STAG1: variants seen among roughly 807,000 people sequenced by gnomAD.
STAG1 encodes the protein STAG1 cohesin complex component.
In STAG1, 26 loss-of-function variants were observed where a neutral mutation model predicts 170.9. That is an observed-to-expected ratio of 0.15 (90% CI 0.11 to 0.21). The LOEUF is 0.21. STAG1 is among the 10% of genes least tolerant of loss of function. The pLI is 1.00. For synonymous variants in STAG1, 514 were observed against 497.7 expected (o/e 1.03, Z -0.44); for missense variants, 964 against 1,509.5 (o/e 0.64, Z 5.99).
chr3:136,539,567 A>G (rs1279463561), intron 6 of STAG1, among the ~76,000 whole-genome samples: 3 of 152,264 alleles, frequency 2.0e-5, no homozygotes, highest in African/African-American at 4.8e-5. Context: ...CCTTGGAAAC[A>G]TAACAAAGAC....
Position 136,749,909 on chromosome 3 carries a change from T to TA in STAG1, c.-84+2285dup, listed in dbSNP as rs111943900. ...GTTAAGTGTGAAATTTGTTATGCAT[T>TA]AAAAAAAAAAAGAAAGAAACTAATA... On this transcript the variant is annotated intron_variant, in intron 1 of 33. Transcript: ENST00000383202. Among the ~76,000 whole-genome samples the TA allele has an allele frequency of 8.3e-4, 116 of 139,566 alleles. 1 individual carries two copies. The highest frequency in any genetic ancestry group is 6.3e-3 in the South Asian group (27 of 4,262). The allele number at this position is 139,566 out of a possible 152,430, so 91.6% of individuals were successfully genotyped here. A position where few individuals can be genotyped will look rare whatever the true frequency, so the allele number is the denominator to read the frequency against.
rs547402082 is a variant in STAG1 at position 136,374,629 on chromosome 3, A to T, written c.2370+3031T>A. Among the ~76,000 whole-genome samples the T allele has an allele frequency of 1.8e-3, 260 of 148,452 alleles. No individual in the cohort carries two copies. In the East Asian group the frequency reaches 0.024, roughly 14 times the overall value. ...CAAAACTCCGTCTCAAAAAAAAAAAATTTTTTTTTTTGTACAGCTGTTTAA... is the reference window on the plus strand; with the variant it reads ...CAAAACTCCGTCTCAAAAAAAAAAATTTTTTTTTTTTGTACAGCTGTTTAA... On this transcript the variant is annotated intron_variant, in intron 23 of 33. Coordinates refer to ENST00000383202, the MANE Select transcript of STAG1 (RefSeq NM_005862.3).
intron 21 of STAG1, among the ~76,000 whole-genome samples, chr3:136,402,129 T>G (rs2087344944): frequency 6.6e-6 from 1 of 152,120 alleles, no homozygotes; most frequent in Admixed American, 6.6e-5. Context: ...AAGGTAAACA[T>G]ATGTAGATAA....
chr3:136,686,247 G>A (rs1317943595), intron 1 of STAG1, among the ~76,000 whole-genome samples: 1 of 152,100 alleles, frequency 6.6e-6, no homozygotes, highest in Admixed American at 6.6e-5. Flanking sequence ...TCACATAATC[G>A]ATTTTCACAT....
intron 3 of STAG1, among the ~76,000 whole-genome samples, chr3:136,610,330 T>C (rs1939208656): frequency 6.6e-6 from 1 of 152,312 alleles, no homozygotes; most frequent in Non-Finnish European, 1.5e-5. Flanking sequence ...CCACTGTACC[T>C]GGCCTTTAGC....
At chr3:136,732,199 G>T in intron 1 of STAG1, among the ~76,000 whole-genome samples, 1 of 141,060 alleles carries the variant, frequency 7.1e-6, no homozygotes, top group Middle Eastern at 4.0e-3. Context: ...ACACCATGTT[G>T]CCTTTGTATC....
At chr3:136,521,638 C>T (rs1228609793) in intron 6 of STAG1, among the ~76,000 whole-genome samples, 1 of 152,120 alleles carries the variant, frequency 6.6e-6, no homozygotes, top group Non-Finnish European at 1.5e-5. Flanking sequence ...TTAGAACCAG[C>T]ATCTACTTTA....
chr3:136,574,244 C>T (rs1208147905), intron 4 of STAG1, among the ~76,000 whole-genome samples: 3 of 144,280 alleles, frequency 2.1e-5, no homozygotes, highest in Non-Finnish European at 3.1e-5. Context: ...TCTGTCCCCC[C>T]AAAAAAAAAA....
At chr3:136,540,530 G>C (rs1935839413) in intron 6 of STAG1, among the ~76,000 whole-genome samples, 1 of 151,846 alleles carries the variant, frequency 6.6e-6, no homozygotes, top group South Asian at 2.1e-4. Flanking sequence ...AGTATTTTAA[G>C]TATATATTTG....
intron 13 of STAG1, among the ~76,000 whole-genome samples, chr3:136,459,315 C>T (rs1203166273): frequency 6.6e-6 from 1 of 150,886 alleles, no homozygotes; most frequent in Non-Finnish European, 1.5e-5. Flanking sequence ...GAGGATATAA[C>T]AATTATAAAT....
chr3:136,351,637 T>C (rs1936437468), intron 28 of STAG1, among the ~76,000 whole-genome samples: 1 of 152,134 alleles, frequency 6.6e-6, no homozygotes, highest in African/African-American at 2.4e-5. Flanking sequence ...CTAACAGCTA[T>C]TCTTACACCT....
chr3:136,682,079 A>T (rs1057421121), intron 1 of STAG1, among the ~76,000 whole-genome samples: 1 of 152,198 alleles, frequency 6.6e-6, no homozygotes, highest in East Asian at 1.9e-4. Flanking sequence ...AAAAAGAAAT[A>T]AAACTATCTC....
intron 12 of STAG1, 41 bp from the exon 13 acceptor site, chr3:136,465,029 T>A (rs537586994): frequency 1.4e-6 from 2 of 1,421,402 alleles, no homozygotes; most frequent in Non-Finnish European, 1.9e-6. Flanking sequence ...AAAGCAAATG[T>A]TTATTTTCCT....
chr3:136,363,458 C>A lies in STAG1; in HGVS notation c.2695G>T (p.Asp899Tyr). ...GTTTCCTTAATAATATCACCATAGTCATTGTAATACTGTGAGGGAAAGAAA... is the reference window on the plus strand; with the variant it reads ...GTTTCCTTAATAATATCACCATAGTAATTGTAATACTGTGAGGGAAAGAAA... ...IFKHYMKYYN[D>Y]YGDIIKETLS... Residue 899 changes from aspartate to tyrosine, a missense_variant, in exon 26 of 34, where the codon GAC (aspartate) becomes TAC (tyrosine). Physicochemically the swap from Asp to Tyr is radical, Grantham distance 160. This residue lies in a region of STAG1 where 149 missense variants were observed against 301.3 expected (regional missense o/e 0.49). Coordinates refer to ENST00000383202, the MANE Select transcript of STAG1 (RefSeq NM_005862.3). 1 of 1,470,756 alleles carries A rather than the reference C, an allele frequency of 6.8e-7. No homozygotes were observed. The highest frequency in any genetic ancestry group is 9.3e-7 in the Non-Finnish European group (1 of 1,071,558). 91.1% of individuals were successfully genotyped at this position (1,470,756 alleles called of 1,614,324 possible).
intron 2 of STAG1, among the ~76,000 whole-genome samples, chr3:136,623,655 A>C (rs1232374309): frequency 3.3e-5 from 5 of 152,290 alleles, no homozygotes; most frequent in Non-Finnish European, 5.9e-5. Flanking sequence ...CACCTAAGTT[A>C]TAAGTATTAA....
At chr3:136,418,993 CAT>C (rs1275737779) in intron 20 of STAG1, among the ~76,000 whole-genome samples, 5 of 152,146 alleles carry the variant, frequency 3.3e-5, no homozygotes, top group South Asian at 4.2e-4. Context: ...AATATAACCA[CAT>C]GTGTATTTTT....
At chr3:136,733,341 G>T (rs1015108321) in intron 1 of STAG1, among the ~76,000 whole-genome samples, 1 of 151,778 alleles carries the variant, frequency 6.6e-6, no homozygotes, top group East Asian at 1.9e-4. Flanking sequence ...CCACCTCAGC[G>T]TCCCAAAGTG....
chr3:136,635,535 C>T (rs1387696265), intron 1 of STAG1, among the ~76,000 whole-genome samples: 1 of 152,170 alleles, frequency 6.6e-6, no homozygotes, highest in Non-Finnish European at 1.5e-5. Context: ...AAACTCAAAG[C>T]TTTTCCGGTT....
At chr3:136,522,488 C>T (rs1934730152) in intron 6 of STAG1, among the ~76,000 whole-genome samples, 1 of 152,144 alleles carries the variant, frequency 6.6e-6, no homozygotes, top group Non-Finnish European at 1.5e-5. Flanking sequence ...AGCCTACCTG[C>T]TGCTTCTATA....
Sources: gnomAD v4.1 joint callset for allele counts (sites outside exome capture counted in the v4.1 genomes callset) on GRCh38, gnomAD v4.1.1 for gene constraint, gnomAD v4.1.1 regional missense constraint, MANE v1.5 for transcripts, NCBI Gene and HGNC (gene_info 2026-07-23, HGNC 2026-07-21) for gene names.